The following DLG5 variants were observed in gnomAD, a reference collection of about 807,000 sequenced individuals.
DLG5 encodes discs large MAGUK scaffold protein 5.
A neutral mutation model predicts 189.8 loss-of-function variants in DLG5; 48 were observed. The ratio of observed to expected loss-of-function variants is 0.25; its 90% CI spans 0.20 to 0.32. DLG5 has a LOEUF of 0.32. Ranked by LOEUF, DLG5 falls within the 10% of genes least tolerant of loss-of-function variation. The probability of loss-of-function intolerance (pLI) is 1.00; values close to 1 mark genes in which losing one functional copy is unlikely to be tolerated. For missense variants in DLG5, 2,160 were observed against 2,544.7 expected (o/e 0.85, Z 3.25); for synonymous variants, 1,016 against 1,054.1 (o/e 0.96, Z 0.70).
chr10:77,794,440 C>T (rs1342685123), intron 30 of DLG5, among the ~76,000 whole-genome samples: 3 of 152,200 alleles, frequency 2.0e-5, no homozygotes, highest in African/African-American at 4.8e-5. Flanking sequence ...GCACAGGAGC[C>T]GAAGCTCAGC....
At chr10:77,901,386 C>T (rs1280176661) in intron 1 of DLG5, among the ~76,000 whole-genome samples, 1 of 152,178 alleles carries the variant, frequency 6.6e-6, no homozygotes, top group Non-Finnish European at 1.5e-5. Flanking sequence ...TGGTAAACAG[C>T]CCATCTACAG....
At chr10:77,839,663 A>G (rs932198643) in intron 7 of DLG5, among the ~76,000 whole-genome samples, 15 of 152,280 alleles carry the variant, frequency 9.9e-5, no homozygotes, top group South Asian at 6.2e-4. Context: ...CTTATTTGAT[A>G]TTGACATTTT....
chr10:77,916,354 G>A (rs543569721), intron 1 of DLG5, among the ~76,000 whole-genome samples: 1 of 151,722 alleles, frequency 6.6e-6, no homozygotes, highest in Non-Finnish European at 1.5e-5. Context: ...GAAATGGCAC[G>A]ATCTCAGCTA....
At chr10:77,806,400 A>G (rs1361723809) in intron 26 of DLG5, among the ~76,000 whole-genome samples, 3 of 152,152 alleles carry the variant, frequency 2.0e-5, no homozygotes, top group Non-Finnish European at 4.4e-5. Context: ...GTTTGAGGTG[A>G]TGGAAATGCT....
rs1162176756 is a variant in DLG5 at position 77,822,093 on chromosome 10, A to G, written c.2391T>C (p.Pro797=). 6.2e-7 allele frequency: 1 copy of G among 1,611,868 alleles called. No individual in the cohort carries two copies. ...SLTLSLLKVF[P]QSSSWSGQNI... ...TCTGGCCACTCCACGAGGAGCTCTG[A>G]GGGAATACCTAGGCAGGGATTGCAG... The change falls in exon 15 of 32, where the codon CCT becomes CCC. Residue 797 remains proline (P), a synonymous_variant. Transcript: ENST00000372391.
chr10:77,820,156 G>C (rs1158503772), intron 15 of DLG5, 138 bp from the exon 16 acceptor site: 1 of 1,176,266 alleles, frequency 8.5e-7, no homozygotes, highest in Non-Finnish European at 1.2e-6. Context: ...GACCACCCTG[G>C]CCAACATGGC....
intron 7 of DLG5, 57 bp downstream of exon 7, chr10:77,841,824 C>G (rs1843430697): frequency 1.9e-6 from 3 of 1,559,276 alleles, no homozygotes; most frequent in African/African-American, 1.3e-5. Flanking sequence ...TCTGCAGCCC[C>G]TCTTCCCGGG....
chr10:77,811,165 T>C lies in DLG5; in HGVS notation c.4392A>G (p.Pro1464=), dbSNP rs779706957. The C allele has an allele frequency of 1.1e-5, 18 of 1,613,144 alleles. No individual in the cohort carries two copies. The highest frequency in any genetic ancestry group is 1.7e-4 in the Middle Eastern group (1 of 5,722). ...QGSGTTTPEH[P]SVIDPLMEQD... is the part of the protein sequence containing the mutation. ...GCTCCATCAGTGGGTCGATGACAGA[T>C]GGATGCTCCGGGGTGGTGGTGCCAC... The change falls in exon 23 of 32, where the codon CCA becomes CCG. Residue 1464 remains proline (P), a synonymous_variant. Coordinates refer to ENST00000372391, the MANE Select transcript of DLG5 (RefSeq NM_004747.4).
chr10:77,815,243 A>G (rs1423534307), intron 20 of DLG5, among the ~76,000 whole-genome samples: 1 of 152,140 alleles, frequency 6.6e-6, no homozygotes, highest in East Asian at 1.9e-4. Flanking sequence ...CTCCGTCAGC[A>G]TTTCTTCCGA....
At chr10:77,902,255 G>A (rs2154577913) in intron 1 of DLG5, among the ~76,000 whole-genome samples, 1 of 152,314 alleles carries the variant, frequency 6.6e-6, no homozygotes, top group East Asian at 1.9e-4. Context: ...TAATCTTTCA[G>A]AAGCTTCCCC....
intron 1 of DLG5, among the ~76,000 whole-genome samples, chr10:77,878,906 G>A (rs1370479849): frequency 1.3e-5 from 2 of 152,140 alleles, no homozygotes; most frequent in Non-Finnish European, 2.9e-5. Context: ...AAGATGCTAC[G>A]CATTGGTGGG....
At chr10:77,811,616 T>G (rs751772144) in intron 22 of DLG5, among the ~76,000 whole-genome samples, 15 of 152,270 alleles carry the variant, frequency 9.9e-5, no homozygotes, top group Non-Finnish European at 1.8e-4. Context: ...GTACAGCATC[T>G]GCTCCTGGAC....
chr10:77,934,842 CT>C, the DLG5 span, among the ~76,000 whole-genome samples: 39,128 of 144,936 alleles, frequency 0.27, 5,761 homozygotes, highest in Admixed American at 0.39. Flanking sequence ...GGGTGCTGTT[CT>C]TTTTTTTTGT....
chr10:77,885,762 T>G (rs1266072577), intron 1 of DLG5, among the ~76,000 whole-genome samples: 2 of 152,216 alleles, frequency 1.3e-5, no homozygotes, highest in Non-Finnish European at 2.9e-5. Flanking sequence ...TTCAGCCCTC[T>G]CATAGTTTAA....
At position 77,807,839 on chromosome 10, in the gene DLG5, A is replaced by G. The variant is rs1329058134; in HGVS notation, c.4753T>C (p.Phe1585Leu). The G allele has an allele frequency of 6.2e-7, 1 of 1,613,464 alleles. No individual in the cohort carries two copies. The highest frequency in any genetic ancestry group is 8.5e-7 in the Non-Finnish European group (1 of 1,179,748). ...CCAGGCAGGCCCTTGGCCTTCGTGA[A>G]CTCCTCAGGGCGGTACTGCACCTTC... is the stretch of plus-strand genomic sequence containing the variant. ...RLKVQYRPEE[F>L]TKAKGLPGDS... Residue 1585 changes from phenylalanine (F) to leucine (L), a missense_variant, in exon 25 of 32, where the codon TTC (phenylalanine) becomes CTC (leucine). Physicochemically the swap from Phe to Leu is conservative, Grantham distance 22. Around this residue, in one of 5 missense-constraint regions of DLG5, gnomAD observed 574 missense variants for 644.2 expected, o/e 0.89. Transcript: ENST00000372391.
At chr10:77,793,387 C>T (rs766150055) in intron 31 of DLG5, among the ~76,000 whole-genome samples, 1 of 152,206 alleles carries the variant, frequency 6.6e-6, no homozygotes, top group Non-Finnish European at 1.5e-5. Flanking sequence ...GTTAGAATCC[C>T]TGTCCCATCC....
intron 1 of DLG5, among the ~76,000 whole-genome samples, chr10:77,920,036 T>A (rs1229297509): frequency 6.6e-6 from 1 of 152,214 alleles, no homozygotes; most frequent in Non-Finnish European, 1.5e-5. Flanking sequence ...ATTCTGGGCA[T>A]GAGGACTATA....
At chr10:77,825,794 C>T (rs1218680411) in intron 13 of DLG5, among the ~76,000 whole-genome samples, 1 of 152,006 alleles carries the variant, frequency 6.6e-6, no homozygotes, top group Non-Finnish European at 1.5e-5. Flanking sequence ...TGAACTAAGG[C>T]AATCCACCCG....
At chr10:77,919,394 A>G (rs953517695) in intron 1 of DLG5, among the ~76,000 whole-genome samples, 1 of 151,548 alleles carries the variant, frequency 6.6e-6, no homozygotes, top group Non-Finnish European at 1.5e-5. Flanking sequence ...CAATCACCCA[A>G]CCTCCTTGGA....
Sources: allele counts gnomAD v4.1 joint callset (sites outside exome capture counted in the v4.1 genomes callset), GRCh38; gene constraint gnomAD v4.1.1; regional missense constraint gnomAD v4.1.1; transcripts MANE v1.5; gene names NCBI Gene and HGNC (gene_info 2026-07-23, HGNC 2026-07-21).